Variants in GPC5 observed in about 807,000 individuals in gnomAD.
The protein encoded by GPC5 is glypican-5.
A neutral mutation model predicts 53.9 loss-of-function variants in GPC5; 47 were observed. The ratio of observed to expected loss-of-function variants is 0.87; its 90% CI spans 0.69 to 1.11. The LOEUF (loss-of-function observed/expected upper bound fraction) is 1.11. Ranked by LOEUF, GPC5 falls within the 50% of genes most tolerant of loss-of-function variation. The probability of loss-of-function intolerance (pLI) is 0.00; values close to 1 mark genes in which losing one functional copy is unlikely to be tolerated. For missense variants in GPC5, 748 were observed against 713.1 expected, an observed-to-expected ratio of 1.05 and a Z score of -0.56; for synonymous variants, 286 against 263.3, an observed-to-expected ratio of 1.09 and a Z score of -0.84.
At chr13:91,449,410 A>G (rs1196851136) in intron 2 of GPC5, among the ~76,000 whole-genome samples, 5 of 152,088 alleles carry the variant, frequency 3.3e-5, no homozygotes, top group South Asian at 2.1e-4. Context: ...GGTTTGTTAC[A>G]TAGGTATACA....
chr13:91,529,569 T>C (rs957376423), intron 2 of GPC5, among the ~76,000 whole-genome samples: 12 of 152,116 alleles, frequency 7.9e-5, no homozygotes, highest in Non-Finnish European at 1.2e-4. Flanking sequence ...TAGTTTGCCA[T>C]TGTGCCTTTG....
At chr13:92,701,786 C>T (rs914143239) in intron 7 of GPC5, among the ~76,000 whole-genome samples, 5 of 151,774 alleles carry the variant, frequency 3.3e-5, no homozygotes, top group Admixed American at 6.6e-5. Context: ...GAATCGTTGG[C>T]GAATAGATGA....
intron 5 of GPC5, among the ~76,000 whole-genome samples, chr13:91,834,518 A>G (rs1414272965): frequency 5.9e-5 from 9 of 152,158 alleles, no homozygotes; most frequent in Non-Finnish European, 1.3e-4. Flanking sequence ...ACAGTAACCA[A>G]AGCAGCATGG....
At chr13:92,586,744 C>A (rs558749488) in intron 7 of GPC5, among the ~76,000 whole-genome samples, 1 of 152,022 alleles carries the variant, frequency 6.6e-6, no homozygotes, top group Non-Finnish European at 1.5e-5. Flanking sequence ...AGGAGAGAAA[C>A]GCAATTTCTC....
intron 6 of GPC5, among the ~76,000 whole-genome samples, chr13:92,059,229 G>T (rs1032806832): frequency 9.9e-5 from 15 of 151,254 alleles, no homozygotes; most frequent in African/African-American, 3.7e-4. Context: ...ACCACAAATA[G>T]TCTCAACAAT....
chr13:91,506,211 C>T (rs55754433), intron 2 of GPC5, among the ~76,000 whole-genome samples: 16,648 of 151,996 alleles, frequency 0.11, 1,105 homozygotes, highest in South Asian at 0.29. Flanking sequence ...TAGGAGTAAA[C>T]TACTTCTCTA....
intron 1 of GPC5, among the ~76,000 whole-genome samples, chr13:91,427,395 G>A (rs1259268039): frequency 6.6e-6 from 1 of 152,186 alleles, no homozygotes; most frequent in Non-Finnish European, 1.5e-5. Flanking sequence ...ACCTTGATGT[G>A]AGACATGGAG....
At chr13:92,061,507 T>C (rs9523496) in intron 6 of GPC5, among the ~76,000 whole-genome samples, 84,997 of 151,830 alleles carry the variant, frequency 0.56, 24,228 homozygotes, top group East Asian at 0.79. Context: ...TCAAACAGTA[T>C]GAAAAAGTAA....
chr13:91,898,391 G>T (rs1268133257), intron 5 of GPC5, among the ~76,000 whole-genome samples: 1 of 152,080 alleles, frequency 6.6e-6, no homozygotes, highest in Non-Finnish European at 1.5e-5. Context: ...GTAACAAGAG[G>T]CTTAGGACTA....
intron 6 of GPC5, among the ~76,000 whole-genome samples, chr13:91,978,688 G>A (rs1047636580): frequency 6.6e-5 from 10 of 152,186 alleles, no homozygotes; most frequent in African/African-American, 2.4e-4. Context: ...ATGGAAAGGA[G>A]TGAGTCTTAT....
intron 7 of GPC5, among the ~76,000 whole-genome samples, chr13:92,590,661 T>C (rs1883684020): frequency 6.6e-6 from 1 of 152,238 alleles, no homozygotes; most frequent in South Asian, 2.1e-4. Context: ...ATTCAAGTTT[T>C]ATGATAAAGA....
At chr13:91,525,322 T>C (rs966430718) in intron 2 of GPC5, among the ~76,000 whole-genome samples, 4 of 152,232 alleles carry the variant, frequency 2.6e-5, no homozygotes, top group Admixed American at 2.6e-4. Flanking sequence ...CAAGATCTTA[T>C]ATGCCTTACT....
intron 6 of GPC5, among the ~76,000 whole-genome samples, chr13:91,945,694 C>A (rs2039968245): frequency 6.6e-6 from 1 of 152,130 alleles, no homozygotes; most frequent in Non-Finnish European, 1.5e-5. Context: ...TCATTTGCTA[C>A]TGTGACAGAC....
intron 7 of GPC5, among the ~76,000 whole-genome samples, chr13:92,724,756 A>G (rs1888590017): frequency 6.6e-6 from 1 of 151,588 alleles, no homozygotes; most frequent in Non-Finnish European, 1.5e-5. Flanking sequence ...AAAGTTTCAG[A>G]TATGCAAAAT....
At chr13:91,762,266 C>T (rs1331601132) in intron 5 of GPC5, among the ~76,000 whole-genome samples, 1 of 151,846 alleles carries the variant, frequency 6.6e-6, no homozygotes, top group Non-Finnish European at 1.5e-5. Flanking sequence ...TTTCTTTCCA[C>T]CCAGGCAATG....
At chr13:92,390,281 A>G (rs1300997289) in intron 7 of GPC5, among the ~76,000 whole-genome samples, 2 of 152,172 alleles carry the variant, frequency 1.3e-5, no homozygotes, top group Non-Finnish European at 2.9e-5. Context: ...AGTGAGTTAT[A>G]TGAGCCAGTG....
intron 5 of GPC5, among the ~76,000 whole-genome samples, chr13:91,808,724 C>G (rs540292555): frequency 5.3e-5 from 8 of 152,150 alleles, no homozygotes; most frequent in Non-Finnish European, 1.0e-4. Flanking sequence ...CAAAGTGATA[C>G]CTTCAAACTA....
chr13:92,575,427 C>T (rs1282298779), intron 7 of GPC5, among the ~76,000 whole-genome samples: 2 of 152,094 alleles, frequency 1.3e-5, no homozygotes, highest in Admixed American at 6.6e-5. Context: ...AGCGAGAGAA[C>T]ATTTTCAGAC....
chr13:91,682,604 G>T (rs186808288), intron 2 of GPC5, among the ~76,000 whole-genome samples: 2 of 152,304 alleles, frequency 1.3e-5, no homozygotes, highest in East Asian at 3.9e-4. Context: ...TTGGGAGATA[G>T]AAAGATGAAC....
Sources: gnomAD v4.1 joint callset for allele counts (sites outside exome capture counted in the v4.1 genomes callset) on GRCh38, gnomAD v4.1.1 for gene constraint, MANE v1.5 for transcripts, NCBI Gene and HGNC (gene_info 2026-07-23, HGNC 2026-07-21) for gene names.